Variants in PLAGL1 observed in about 807,000 individuals in gnomAD.
PLAGL1 encodes the protein zinc finger protein PLAGL1.
PLAGL1 carries 1 observed loss-of-function variant against 4.6 expected under a neutral mutation model. The ratio of observed to expected loss-of-function variants is 0.22; its 90% CI spans 0.08 to 1.03. The LOEUF (loss-of-function observed/expected upper bound fraction) is 1.03. Among genes scored for constraint, PLAGL1 ranks in the 50% least tolerant of loss-of-function variants. The pLI, the probability that PLAGL1 is intolerant of heterozygous loss-of-function variation, is 0.58. For synonymous variants in PLAGL1, 240 were observed against 237.8 expected, an observed-to-expected ratio of 1.01 and a Z score of -0.08; for missense variants, 464 against 570.4, an observed-to-expected ratio of 0.81 and a Z score of 1.90.
At chr6:143,988,934 A>G (rs1454336939) in intron 1 of PLAGL1, among the ~76,000 whole-genome samples, 1 of 152,054 alleles carries the variant, frequency 6.6e-6, no homozygotes, top group Non-Finnish European at 1.5e-5. Context: ...TTTTGGGGGG[A>G]CACACACATT....
chr6:144,052,312 T>G (rs1583892170), intron 1 of PLAGL1, among the ~76,000 whole-genome samples: 1 of 152,180 alleles, frequency 6.6e-6, no homozygotes, highest in African/African-American at 2.4e-5. Context: ...CCAAGGCAGA[T>G]AGAACATTTT....
In PLAGL1 at chr6:144,005,271, A is replaced by G. The variant is rs1468238898; in HGVS notation, c.-584+2819T>C. ...TACAAATCTCTTAGGGGAAGAAAAA[A>G]TATCACAATGAAAAAATCTTAAATT... is the stretch of plus-strand genomic sequence containing the variant. On this transcript the variant is annotated intron_variant, in intron 1 of 7. Transcript: ENST00000674357. The surrounding 1 kb of genome is among the most constrained non-coding windows in gnomAD (Gnocchi z 4.6). 6.6e-6 allele frequency: 1 copy of G among 152,208 alleles called. No individual in the cohort carries two copies. Among genetic ancestry groups the G allele is most frequent in the East Asian group, 1.9e-4 (1 of 5,200 alleles). The allele number at this position is 152,208 out of a possible 1,614,324, so 9.4% of individuals were successfully genotyped here.
chr6:144,030,031 A>T (rs1026946071), intron 1 of PLAGL1, among the ~76,000 whole-genome samples: 4 of 152,086 alleles, frequency 2.6e-5, no homozygotes, highest in Non-Finnish European at 5.9e-5. Context: ...AGGCGGGAGG[A>T]TCATGAGGTC....
chr6:144,058,165 G>T (rs560609686), intron 1 of PLAGL1, among the ~76,000 whole-genome samples: 6 of 152,248 alleles, frequency 3.9e-5, no homozygotes, highest in African/African-American at 1.4e-4. Flanking sequence ...TCTGGTGAGG[G>T]CTCAAGGAGC....
rs1480942024 is a variant in PLAGL1 at position 143,965,436 on chromosome 6, C to A, written c.-430-618G>T. 2 of 152,128 alleles carry A rather than the reference C, an allele frequency of 1.3e-5. No individual in the cohort carries two copies. Among genetic ancestry groups the A allele is most frequent in the Non-Finnish European group, 2.9e-5 (2 of 68,040 alleles). The allele number at this position is 152,128 out of a possible 1,614,324, so 9.4% of individuals were successfully genotyped here. A position where few individuals can be genotyped will look rare whatever the true frequency, so the allele number is the denominator to read the frequency against. ...CTAAGAATCAGCAACCAAGGGACCCCATTTTTCTGCCAAATAGGCACACTA... is the reference window on the plus strand; with the variant it reads ...CTAAGAATCAGCAACCAAGGGACCCAATTTTTCTGCCAAATAGGCACACTA... On this transcript the variant is annotated intron_variant, in intron 4 of 7. Coordinates refer to ENST00000674357, the MANE Select transcript of PLAGL1 (RefSeq NM_001317162.2). This position sits in a 1 kb window ranked among gnomAD's most constrained non-coding sequence, Gnocchi z 7.5.
At position 144,043,088 on chromosome 6, in the gene PLAGL1, G is replaced by A. The variant is rs190257645; in HGVS notation, c.-151+21380C>T. ...GGAGATCTGGGGCTGAGACAATGGGGTTTTCTAAATATACAATCATATCAT... is the reference window on the plus strand; with the variant it reads ...GGAGATCTGGGGCTGAGACAATGGGATTTTCTAAATATACAATCATATCAT... On this transcript the variant is annotated intron_variant, in intron 1 of 3. Transcript: ENST00000437412. 1.3e-3 allele frequency among the ~76,000 whole-genome samples: 204 copies of A among 152,288 alleles called. 1 individual carries two copies. The highest frequency in any genetic ancestry group is 3.9e-3 in the South Asian group (19 of 4,822).
chr6:144,048,069 G>A lies in PLAGL1; in HGVS notation c.-151+16399C>T, dbSNP rs1030752439. 2.6e-5 allele frequency among the ~76,000 whole-genome samples: 4 copies of A among 152,186 alleles called. No individual in the cohort carries two copies. The highest frequency in any genetic ancestry group is 9.7e-5 in the African/African-American group (4 of 41,450). On this transcript the variant is annotated intron_variant, in intron 1 of 3. Transcript: ENST00000437412. This position sits in a 1 kb window ranked among gnomAD's most constrained non-coding sequence, Gnocchi z 4.8. ...TCCATGCAAGTCCAAAATCCAAGGG[G>A]ACAGTCATTAAATCTTAAAGCTCCA...
At position 143,995,335 on chromosome 6, in the gene PLAGL1, A is replaced by T. The variant is rs1396245893; in HGVS notation, c.-583-10161T>A. Among the ~76,000 whole-genome samples the T allele has an allele frequency of 6.6e-6, 1 of 152,198 alleles. No individual in the cohort carries two copies. Among genetic ancestry groups the T allele is most frequent in the African/African-American group, 2.4e-5 (1 of 41,444 alleles). ...CTACCCTTTTCATATCATTCAATAA[A>T]TGATGCATAATTTTTGGCTTTTGTT... On this transcript the variant is annotated intron_variant, in intron 1 of 7. Transcript: ENST00000674357. The surrounding 1 kb of genome is among the most constrained non-coding windows in gnomAD (Gnocchi z 4.4).
At chr6:143,977,060 C>T (rs1014776481) in intron 2 of PLAGL1, among the ~76,000 whole-genome samples, 32 of 151,180 alleles carry the variant, frequency 2.1e-4, no homozygotes, top group Middle Eastern at 3.4e-3. Flanking sequence ...GAGCCTGTTA[C>T]AGCAATTTCC....
chr6:144,011,818 G>A (rs1413413931), upstream of PLAGL1, among the ~76,000 whole-genome samples: 1 of 152,156 alleles, frequency 6.6e-6, no homozygotes, highest in East Asian at 1.9e-4. The surrounding 1 kb of genome is among the most constrained non-coding windows in gnomAD (Gnocchi z 4.3). Flanking sequence ...AGCTAGCCAA[G>A]GGAACATCCC....
Position 143,941,581 on chromosome 6 carries a change from G to C in PLAGL1, c.1235C>G (p.Pro412Arg), listed in dbSNP as rs1390677739. 1 of 1,606,186 alleles carries C rather than the reference G, an allele frequency of 6.2e-7. No individual in the cohort carries two copies. Among genetic ancestry groups the C allele is most frequent in the Admixed American group, 1.7e-5 (1 of 59,570 alleles). Residue 412 changes from proline (P) to arginine (R), a missense_variant, in exon 8 of 8, where the codon CCC (proline) becomes CGC (arginine). Coordinates refer to ENST00000674357, the MANE Select transcript of PLAGL1 (RefSeq NM_001317162.2). This position sits in a 1 kb window ranked among gnomAD's most constrained non-coding sequence, Gnocchi z 6.0. ...CTGCCCCAGACAGCTTAACCTGTGG[G>C]GCAAAGATTCCCCAGGCCCCAGGGC... ...TLALGPGESLPHRLSCLGQQQ... is the reference protein window; with the variant it reads ...TLALGPGESLRHRLSCLGQQQ...
intron 2 of PLAGL1, among the ~76,000 whole-genome samples, chr6:143,981,970 T>A (rs1788055012): frequency 6.6e-6 from 1 of 152,172 alleles, no homozygotes; most frequent in African/African-American, 2.4e-5. Context: ...TAAACCAGCA[T>A]TTATTGAGTG....
chr6:143,941,777 G>C lies in PLAGL1; in HGVS notation c.1039C>G (p.Pro347Ala). 3.1e-6 allele frequency: 5 copies of C among 1,614,232 alleles called. No individual in the cohort carries two copies. Among genetic ancestry groups the C allele is most frequent in the Non-Finnish European group, 4.2e-6 (5 of 1,180,046 alleles). The change falls in exon 8 of 8, where the codon CCA becomes GCA. Residue 347 changes from proline (P) to alanine (A), a missense_variant. Pro to Ala is a conservative substitution (Grantham distance 27). Around this residue, in one of 4 missense-constraint regions of PLAGL1, gnomAD observed 248 missense variants for 250.1 expected, o/e 0.99. Transcript: ENST00000674357. This position sits in a 1 kb window ranked among gnomAD's most constrained non-coding sequence, Gnocchi z 6.0. ...QEPQSPQKLN[P>A]GFDLAKGNAG... ...TTTCCCTTAGCCAGATCAAAACCTGGGTTGAGCTTTTGAGGTGACTGAGGC... is the reference window on the plus strand; with the variant it reads ...TTTCCCTTAGCCAGATCAAAACCTGCGTTGAGCTTTTGAGGTGACTGAGGC...
intron 1 of PLAGL1, among the ~76,000 whole-genome samples, chr6:144,044,102 A>G (rs1797944072): frequency 6.6e-6 from 1 of 151,824 alleles, no homozygotes; most frequent in Non-Finnish European, 1.5e-5. Flanking sequence ...TGGTCTATCA[A>G]TTTTGTCGAT....
chr6:143,946,090 C>T (rs1035530464), intron 7 of PLAGL1, among the ~76,000 whole-genome samples: 2 of 152,208 alleles, frequency 1.3e-5, no homozygotes, highest in African/African-American at 2.4e-5. Flanking sequence ...CACATATACT[C>T]AGGTCCTGCG....
chr6:144,024,528 G>A (rs1352874835), intron 1 of PLAGL1, among the ~76,000 whole-genome samples: 1 of 152,200 alleles, frequency 6.6e-6, no homozygotes, highest in Admixed American at 6.5e-5. Context: ...CTGCCGCCAT[G>A]TAAGACGTTC....
At chr6:143,987,105 A>G (rs973399395) in intron 1 of PLAGL1, among the ~76,000 whole-genome samples, 3 of 152,208 alleles carry the variant, frequency 2.0e-5, no homozygotes, top group African/African-American at 7.2e-5. Context: ...GCTAAAAAGA[A>G]ACCTTTAAAT....
rs962493223 is a variant in PLAGL1 at position 144,039,815 on chromosome 6, G to A, written c.-151+24653C>T. ...TGCATATGTACACCAAGATATATCT[G>A]CAAGAATGTTCACAGCAAATCTCTT... On this transcript the variant is annotated intron_variant, in intron 1 of 3. Transcript: ENST00000437412. This position sits in a 1 kb window ranked among gnomAD's most constrained non-coding sequence, Gnocchi z 4.1. 2.6e-5 allele frequency among the ~76,000 whole-genome samples: 4 copies of A among 152,150 alleles called. No homozygotes were observed. The highest frequency in any genetic ancestry group is 3.9e-4 in the East Asian group (2 of 5,194).
Position 143,941,924 on chromosome 6 carries a change from G to T in PLAGL1, c.892C>A (p.Leu298Ile), listed in dbSNP as rs2128503274. ...SVSPGSPPPPLPNHKYNTTST... is the reference protein window; with the variant it reads ...SVSPGSPPPPIPNHKYNTTST... ...GTGGTGTTGTACTTGTGATTGGGAA[G>T]GGGTGGCGGAGGAGAGCCAGGGGAT... Residue 298 changes from leucine (L) to isoleucine (I), a missense_variant, in exon 8 of 8, where the codon CTT becomes ATT. This residue lies in a region of PLAGL1 where 248 missense variants were observed against 250.1 expected (regional missense o/e 0.99). Coordinates refer to ENST00000674357, the MANE Select transcript of PLAGL1 (RefSeq NM_001317162.2). This position sits in a 1 kb window ranked among gnomAD's most constrained non-coding sequence, Gnocchi z 6.0. The T allele has an allele frequency of 6.2e-7, 1 of 1,610,586 alleles. No homozygotes were observed. Among genetic ancestry groups the T allele is most frequent in the East Asian group, 2.2e-5 (1 of 44,808 alleles).
Sources: allele counts gnomAD v4.1 joint callset (sites outside exome capture counted in the v4.1 genomes callset), GRCh38; gene constraint gnomAD v4.1.1; regional missense constraint gnomAD v4.1.1; non-coding constraint Gnocchi (gnomAD v3.1); transcripts MANE v1.5; gene names NCBI Gene and HGNC (gene_info 2026-07-23, HGNC 2026-07-21).